ZNF568: variants seen among roughly 807,000 people sequenced by gnomAD.
ZNF568 encodes zinc finger protein 568.
In ZNF568, 11 loss-of-function variants were observed where a neutral mutation model predicts 18.1. The observed-to-expected ratio is 0.61, with a 90% CI of 0.38 to 1.00. The LOEUF is 1.00. Among genes scored for constraint, ZNF568 ranks in the 50% least tolerant of loss-of-function variants. The pLI is 0.01. For synonymous variants in ZNF568, 213 were observed against 246.6 expected (o/e 0.86, Z 1.28); for missense variants, 639 against 768.2 (o/e 0.83, Z 1.99).
chr19:36,926,532 G>A (rs2073557230), intron 4 of ZNF568, among the ~76,000 whole-genome samples: 1 of 152,148 alleles, frequency 6.6e-6, no homozygotes, highest in Admixed American at 6.5e-5. Flanking sequence ...TACATCATCT[G>A]TAAGTCTATA....
Position 36,952,195 on chromosome 19 carries a change from C to A in ZNF568, c.*1107C>A. 1 of 359,494 alleles carries A rather than the reference C, an allele frequency of 2.8e-6. No homozygotes were observed. Among genetic ancestry groups the A allele is most frequent in the Non-Finnish European group, 3.9e-6 (1 of 259,032 alleles). 22.3% of individuals were successfully genotyped at this position (359,494 alleles called of 1,614,324 possible). A position where few individuals can be genotyped will look rare whatever the true frequency, so the allele number is the denominator to read the frequency against. ...CAGTGGCACATGCCTGTAATCCCAGCTACTTGGGAGGCTGATAGAAGAAGA... is the reference window on the plus strand; with the variant it reads ...CAGTGGCACATGCCTGTAATCCCAGATACTTGGGAGGCTGATAGAAGAAGA... On this transcript the variant is annotated 3_prime_UTR_variant, in exon 7 of 7. Transcript: ENST00000333987.
At chr19:36,975,449 TATCTC>T (rs1218781539) in intron 7 of ZNF568, among the ~76,000 whole-genome samples, 2 of 132,866 alleles carry the variant, frequency 1.5e-5, no homozygotes, top group Admixed American at 7.5e-5. Flanking sequence ...GCAGTGGTGT[TATCTC>T]AGCTCACTGC....
At position 36,949,704 on chromosome 19, in the gene ZNF568, G is replaced by A. The variant is rs1453615286; in HGVS notation, c.551G>A (p.Gly184Asp). 2 of 1,613,896 alleles carry A rather than the reference G, an allele frequency of 1.2e-6. No individual in the cohort carries two copies. Among genetic ancestry groups the A allele is most frequent in the East Asian group, 4.5e-5 (2 of 44,848 alleles). The change falls in exon 7 of 7, where the codon GGT becomes GAT. Residue 184 changes from glycine to aspartate, a missense_variant. Gly to Asp is a moderately conservative substitution (Grantham distance 94, BLOSUM62 -1). Coordinates refer to ENST00000333987, the MANE Select transcript of ZNF568 (RefSeq NM_198539.4). The stretch of plus-strand genomic sequence containing the variant: ...TATGACTGTGACTCACTTGATAAGG[G>A]TTTGGAACATAATTTAGACTTACTT... Reference protein sequence around the residue: ...SFYDCDSLDKGLEHNLDLLRY... With the variant: ...SFYDCDSLDKDLEHNLDLLRY...
At chr19:36,930,213 C>CTT (rs35298028) in intron 4 of ZNF568, among the ~76,000 whole-genome samples, 48,461 of 142,140 alleles carry the variant, frequency 0.34, 8,457 homozygotes, top group Non-Finnish European at 0.37. Flanking sequence ...GATGCAATTT[C>CTT]TTTTTTTTTT....
rs201702106 is a variant in ZNF568, at chr19:36,990,366, G to C, written c.10-810G>C. 5.9e-5 allele frequency among the ~76,000 whole-genome samples: 9 copies of C among 152,188 alleles called. No individual in the cohort carries two copies. In the East Asian group the frequency reaches 1.3e-3, roughly 23 times the overall value. On this transcript the variant is annotated intron_variant, in intron 2 of 4. Transcript: ENST00000433993. ...ACGGTGGCTCATGCCTGTAATCCCA[G>C]CACTTTGGGAGGCCAAGGCGGGTAG...
Position 36,950,185 on chromosome 19 carries a change from C to T in ZNF568, c.1032C>T (p.Ser344=). Residue 344 remains serine (S), a synonymous_variant, in exon 7 of 7, where the codon AGC becomes AGT. Transcript: ENST00000333987. ...YECKECGKSF[S]QKQNLIEHEK... ...GTAAGGAATGTGGGAAATCCTTCAG[C>T]CAGAAGCAAAATCTTATTGAGCACG... 3.1e-6 allele frequency: 5 copies of T among 1,612,594 alleles called. No individual in the cohort carries two copies. The highest frequency in any genetic ancestry group is 4.2e-6 in the Non-Finnish European group (5 of 1,179,440).
intron 4 of ZNF568, among the ~76,000 whole-genome samples, chr19:36,993,235 T>G (rs543873875): frequency 2.4e-4 from 37 of 152,358 alleles, no homozygotes; most frequent in Admixed American, 3.9e-4. Context: ...TGTATGAATA[T>G]GTTTGATTAC....
intron 2 of ZNF568, among the ~76,000 whole-genome samples, chr19:36,987,301 A>C (rs1165134207): frequency 6.6e-6 from 1 of 152,150 alleles, no homozygotes; most frequent in Non-Finnish European, 1.5e-5. Context: ...GTATCTGGGT[A>C]ATTGAGCCCT....
chr19:36,960,990 G>C (rs2074144895), intron 6 of ZNF568, among the ~76,000 whole-genome samples: 2 of 152,098 alleles, frequency 1.3e-5, no homozygotes. Context: ...ATAATGTATA[G>C]TCTGCATCTG....
At position 36,951,254 on chromosome 19, in the gene ZNF568, T is replaced by G. The variant is rs1438688318; in HGVS notation, c.*166T>G. On this transcript the variant is annotated 3_prime_UTR_variant, in exon 7 of 7. Transcript: ENST00000333987. ...TATACATAGATGGAAAAACCCAGTA[T>G]TATAAAAACCTCAATTCTGAAAATC... 5.3e-6 allele frequency: 3 copies of G among 565,782 alleles called. No homozygotes were observed. In the East Asian group the frequency reaches 1.0e-4, roughly 19 times the overall value. The allele number at this position is 565,782 out of a possible 1,614,324, so 35.0% of individuals were successfully genotyped here.
chr19:36,953,682 C>T (rs564137617), downstream of ZNF568, among the ~76,000 whole-genome samples: 17 of 152,176 alleles, frequency 1.1e-4, no homozygotes, highest in Admixed American at 1.0e-3. Flanking sequence ...GAGGCCGAGG[C>T]GGGTGGATCA....
intron 4 of ZNF568, among the ~76,000 whole-genome samples, chr19:36,994,763 C>T (rs1317800024): frequency 6.6e-6 from 1 of 152,094 alleles, no homozygotes; most frequent in African/African-American, 2.4e-5. Context: ...CCTCCACCTC[C>T]CAGGTTGATG....
downstream of ZNF568, among the ~76,000 whole-genome samples, chr19:36,984,728 G>A (rs975146116): frequency 2.0e-5 from 3 of 151,300 alleles, no homozygotes. Flanking sequence ...ATTTGTGAAA[G>A]GTGTTTTACC....
intron 4 of ZNF568, among the ~76,000 whole-genome samples, chr19:36,928,356 G>A (rs1010805311): frequency 6.6e-6 from 1 of 151,968 alleles, no homozygotes; most frequent in Non-Finnish European, 1.5e-5. Context: ...ATTTCAAAAG[G>A]ACCTATTTAT....
chr19:36,971,162 G>C (rs2074232532), intron 6 of ZNF568, among the ~76,000 whole-genome samples: 1 of 151,940 alleles, frequency 6.6e-6, no homozygotes, highest in Admixed American at 6.6e-5. Context: ...GAACCCGGGA[G>C]GCAGAGGTTG....
At position 36,939,739 on chromosome 19, in the gene ZNF568, C is replaced by T. The variant is rs543210287; in HGVS notation, c.358+2497C>T. Among the ~76,000 whole-genome samples the T allele has an allele frequency of 2.0e-5, 3 of 152,114 alleles. No homozygotes were observed. In the South Asian group the frequency reaches 6.2e-4, roughly 32 times the overall value. ...ATCTTTTAGTAGAGACGGGGTTTCA[C>T]CATGTTGGCCAGGCTGGTCTCGAAT... On this transcript the variant is annotated intron_variant, in intron 6 of 6. Transcript: ENST00000333987.
At chr19:36,960,082 G>A (rs1176832692) in intron 6 of ZNF568, among the ~76,000 whole-genome samples, 2 of 123,568 alleles carry the variant, frequency 1.6e-5, no homozygotes, top group African/African-American at 6.0e-5. Context: ...GAGGTACATT[G>A]TTAGAGTGTT....
At chr19:36,946,451 G>T (rs2073965857) in intron 6 of ZNF568, among the ~76,000 whole-genome samples, 2 of 151,744 alleles carry the variant, frequency 1.3e-5, no homozygotes, top group Admixed American at 1.3e-4. Context: ...ATTACTACTT[G>T]CCTTATTTTT....
At chr19:36,997,547 A>G (rs1042772551), downstream of ZNF568, 7 of 1,587,064 alleles carry the variant, frequency 4.4e-6, no homozygotes, top group Admixed American at 8.8e-5. Flanking sequence ...GAGAAACCCT[A>G]CGAGTGTAAG....
Sources: allele counts gnomAD v4.1 joint callset (sites outside exome capture counted in the v4.1 genomes callset), GRCh38; gene constraint gnomAD v4.1.1; transcripts MANE v1.5; gene names NCBI Gene and HGNC (gene_info 2026-07-23, HGNC 2026-07-21).